Variants in KCNQ2 observed in about 807,000 individuals in gnomAD.
KCNQ2 encodes potassium voltage-gated channel subfamily KQT member 2.
KCNQ2 carries 14 observed loss-of-function variants against 84.8 expected under a neutral mutation model. That is an observed-to-expected ratio of 0.17 (90% CI 0.11 to 0.26). KCNQ2 has a LOEUF of 0.26. KCNQ2 is among the 10% of genes least tolerant of loss of function. KCNQ2 has a pLI of 1.00. For missense variants in KCNQ2, 788 were observed against 1,254.0 expected (o/e 0.63, Z 5.61); for synonymous variants, 599 against 554.1 (o/e 1.08, Z -1.14).
intron 1 of KCNQ2, among the ~76,000 whole-genome samples, chr20:63,454,234 G>A (rs959528033): frequency 5.3e-5 from 8 of 152,194 alleles, no homozygotes; most frequent in South Asian, 2.1e-4. Context: ...CCGCCTCGCC[G>A]GCCCGCAGAC....
chr20:63,467,109 G>A (rs977503380), intron 1 of KCNQ2, among the ~76,000 whole-genome samples: 7 of 152,020 alleles, frequency 4.6e-5, no homozygotes, highest in Admixed American at 1.3e-4. Flanking sequence ...AACAGGACAC[G>A]GCCTGGCCGC....
intron 1 of KCNQ2, among the ~76,000 whole-genome samples, chr20:63,453,133 G>A (rs965320544): frequency 1.3e-5 from 2 of 152,008 alleles, no homozygotes; most frequent in Non-Finnish European, 2.9e-5. Flanking sequence ...GGTGGACGTC[G>A]GCACAGCAGC....
In KCNQ2 at chr20:63,472,320, G is replaced by C; in HGVS notation, c.144C>G (p.Pro48=). The change falls in exon 1 of 17, where the codon CCC becomes CCG. Residue 48 remains proline (P), a synonymous_variant. Transcript: ENST00000359125. ...GTTTGCTGAGGATGCTGCCGCGCTT[G>C]GGGGCCTCGGAGCCGGCGATCAGCA... ...GALLIAGSEA[P]KRGSILSKPR... 2.0e-6 allele frequency: 3 copies of C among 1,538,122 alleles called. No individual in the cohort carries two copies. The highest frequency in any genetic ancestry group is 2.6e-6 in the Non-Finnish European group (3 of 1,142,608).
intron 9 of KCNQ2, 25 bp downstream of exon 9, chr20:63,431,315 G>A (rs1213032527): frequency 3.7e-6 from 6 of 1,613,330 alleles, no homozygotes; most frequent in East Asian, 2.2e-5. Context: ...CACACACACA[G>A]GGCTTCTGTC....
At chr20:63,427,223 AAATAAT>A (rs1370970859) in intron 10 of KCNQ2, among the ~76,000 whole-genome samples, 1 of 152,212 alleles carries the variant, frequency 6.6e-6, no homozygotes, top group South Asian at 2.1e-4. Context: ...CTCCATCTCA[AAATAAT>A]AATAATAAAT....
At chr20:63,449,017 C>A (rs1176896073) in intron 1 of KCNQ2, 2 of 152,238 alleles carry the variant, frequency 1.3e-5, no homozygotes, top group South Asian at 2.1e-4. Flanking sequence ...GCCCCAGAAT[C>A]TCTGCTGGAA....
chr20:63,442,648 C>A lies in KCNQ2; in HGVS notation c.691-117G>T, dbSNP rs570336602. On this transcript the variant is annotated intron_variant, in intron 4 of 16. Coordinates refer to ENST00000359125, the MANE Select transcript of KCNQ2 (RefSeq NM_172107.4). Reference sequence around the variant, plus strand: ...TGACCACCATCACCACCACCAAAACCATCACCACCACCATCACCACCACCA... The same window carrying A: ...TGACCACCATCACCACCACCAAAACAATCACCACCACCATCACCACCACCA... The A allele has an allele frequency of 1.4e-3, 1,211 of 838,254 alleles. 3 individuals are homozygous for A. The highest frequency in any genetic ancestry group is 1.9e-3 in the Non-Finnish European group (1,044 of 537,062). 51.9% of individuals were successfully genotyped at this position (838,254 alleles called of 1,614,324 possible).
At chr20:63,409,069 C>T (rs903383772) in intron 15 of KCNQ2, among the ~76,000 whole-genome samples, 10 of 152,300 alleles carry the variant, frequency 6.6e-5, no homozygotes, top group Middle Eastern at 3.4e-3. Flanking sequence ...ATGTCTGCGG[C>T]GGGGACAACA....
intron 11 of KCNQ2, among the ~76,000 whole-genome samples, chr20:63,423,069 C>T (rs756897418): frequency 2.6e-4 from 40 of 152,188 alleles, no homozygotes; most frequent in Non-Finnish European, 3.8e-4. Flanking sequence ...GCAGAGGCTA[C>T]GCTGCCGACC....
intron 10 of KCNQ2, 162 bp from the exon 11 acceptor site, chr20:63,424,368 A>G (rs1261110588): frequency 3.8e-6 from 3 of 791,082 alleles, no homozygotes; most frequent in Non-Finnish European, 6.2e-6. Flanking sequence ...CACCCCAGAG[A>G]GCCCACGGCC....
In KCNQ2 at chr20:63,407,175, C is replaced by T. The variant is rs776224647; in HGVS notation, c.2088G>A (p.Thr696=). ...GGGGCGCCGAGAAGTTCTTCTGGCC[C>T]GTGGAGCTGCTGGAGCGCACGATCT... The part of the protein sequence containing the change: ...IVKIVRSSSS[T]GQKNFSAPPA... The change falls in exon 17 of 17, where the codon ACG becomes ACA. Residue 696 remains threonine, a synonymous_variant. Transcript: ENST00000359125. This position sits in a 1 kb window ranked among gnomAD's most constrained non-coding sequence, Gnocchi z 7.2. The T allele has an allele frequency of 1.7e-5, 27 of 1,603,526 alleles. No homozygotes were observed. The highest frequency in any genetic ancestry group is 1.6e-4 in the Middle Eastern group (1 of 6,076).
chr20:63,426,145 T>A (rs968952578), intron 10 of KCNQ2, among the ~76,000 whole-genome samples: 6 of 152,224 alleles, frequency 3.9e-5, no homozygotes, highest in African/African-American at 1.4e-4. Context: ...TTCGATGCCC[T>A]CTTACCTTCG....
intron 1 of KCNQ2, among the ~76,000 whole-genome samples, chr20:63,458,050 A>T (rs531921223): frequency 1.3e-5 from 2 of 152,146 alleles, no homozygotes; most frequent in East Asian, 3.9e-4. Flanking sequence ...GGCTGGCCAA[A>T]GTGCCCAGCC....
Position 63,414,907 on chromosome 20 carries a change from T to C in KCNQ2, c.1521A>G (p.Ser507=). The part of the protein sequence containing the change: ...RIKGAASRQN[S]EEASLPGEDI... Reference sequence around the variant, plus strand: ...AGAGGATGCGGCCACACCCACCTTCTGAGTTCTGCCGTGACGCGGCACCCT... The same window carrying C: ...AGAGGATGCGGCCACACCCACCTTCCGAGTTCTGCCGTGACGCGGCACCCT... The change falls in exon 13 of 17, where the codon TCA becomes TCG. Residue 507 remains serine (S), a synonymous_variant. Coordinates refer to ENST00000359125, the MANE Select transcript of KCNQ2 (RefSeq NM_172107.4). This position sits in a 1 kb window ranked among gnomAD's most constrained non-coding sequence, Gnocchi z 6.6. 1 of 1,612,476 alleles carries C rather than the reference T, an allele frequency of 6.2e-7. No individual in the cohort carries two copies. Among genetic ancestry groups the C allele is most frequent in the Non-Finnish European group, 8.5e-7 (1 of 1,179,922 alleles).
chr20:63,445,503 C>CCCGCAAAGGG (rs1555874073), intron 2 of KCNQ2, 139 bp from the exon 3 acceptor site: 9 of 857,412 alleles, frequency 1.0e-5, no homozygotes, highest in African/African-American at 8.5e-5. Flanking sequence ...GCAAGCTGAC[C>CCCGCAAAGGG]CCCCCACCCC....
At chr20:63,428,321 G>A in intron 10 of KCNQ2, 46 bp downstream of exon 10, 1 of 1,448,882 alleles carries the variant, frequency 6.9e-7, no homozygotes, top group East Asian at 2.5e-5. Flanking sequence ...GGGCCCCCAG[G>A]AGGACTGAGA....
intron 1 of KCNQ2, among the ~76,000 whole-genome samples, chr20:63,452,109 G>A (rs904232841): frequency 2.0e-5 from 3 of 152,254 alleles, no homozygotes; most frequent in Non-Finnish European, 2.9e-5. Context: ...CACAGGCAGC[G>A]GCGGCAGAAA....
chr20:63,418,394 C>T (rs1049360953), intron 12 of KCNQ2, among the ~76,000 whole-genome samples: 4 of 152,216 alleles, frequency 2.6e-5, no homozygotes, highest in African/African-American at 7.2e-5. Context: ...GTGCGGTGCC[C>T]GCAGGAAACA....
intron 1 of KCNQ2, among the ~76,000 whole-genome samples, chr20:63,459,747 A>G (rs1289754312): frequency 6.6e-6 from 1 of 152,182 alleles, no homozygotes; most frequent in Admixed American, 6.5e-5. Context: ...TTTAACCTCT[A>G]TTTTTAAAAA....
Sources: gnomAD v4.1 joint callset for allele counts (sites outside exome capture counted in the v4.1 genomes callset) on GRCh38, gnomAD v4.1.1 for gene constraint, Gnocchi (gnomAD v3.1) non-coding constraint, MANE v1.5 for transcripts, NCBI Gene and HGNC (gene_info 2026-07-23, HGNC 2026-07-21) for gene names.